TMCO5A: variants seen among roughly 807,000 people sequenced by gnomAD.
TMCO5A encodes transmembrane and coiled-coil domains 5A.
A neutral mutation model predicts 42.3 loss-of-function variants in TMCO5A; 34 were observed. The ratio of observed to expected loss-of-function variants is 0.80; its 90% CI spans 0.61 to 1.07. The LOEUF (loss-of-function observed/expected upper bound fraction) is 1.07, where lower values mean the gene tolerates loss of function less well. Ranked by LOEUF, TMCO5A falls within the 50% of genes least tolerant of loss-of-function variation. The probability of loss-of-function intolerance (pLI) is 0.00; values close to 1 mark genes in which losing one functional copy is unlikely to be tolerated. For missense variants in TMCO5A, 357 were observed against 327.9 expected (o/e 1.09, Z -0.69); for synonymous variants, 131 against 115.6 (o/e 1.13, Z -0.86).
chr15:37,955,964 C>T (rs139732823), downstream of TMCO5A, among the ~76,000 whole-genome samples: 412 of 152,082 alleles, frequency 2.7e-3, no homozygotes, highest in East Asian at 8.1e-3. Flanking sequence ...CACAACTACA[C>T]GGAAACTAAA....
intron 10 of TMCO5A, among the ~76,000 whole-genome samples, chr15:37,944,588 C>G (rs1889866953): frequency 3.3e-5 from 5 of 152,028 alleles, no homozygotes; most frequent in Admixed American, 3.3e-4. Context: ...CTGTAAGCCT[C>G]TTTTCCACAG....
At chr15:37,983,223 C>CTGGGCACTTAT in the TMCO5A span, among the ~76,000 whole-genome samples, 3 of 152,202 alleles carry the variant, frequency 2.0e-5, no homozygotes, top group South Asian at 2.1e-4. Flanking sequence ...TGGGCACTTA[C>CTGGGCACTTAT]GATGTGCTAG....
the TMCO5A span, among the ~76,000 whole-genome samples, chr15:37,987,619 C>T: frequency 6.6e-6 from 1 of 152,002 alleles, no homozygotes; most frequent in Non-Finnish European, 1.5e-5. Context: ...GGTGAAAATA[C>T]TAACCTTTCC....
downstream of TMCO5A, among the ~76,000 whole-genome samples, chr15:37,972,140 A>G (rs1362101681): frequency 6.6e-6 from 1 of 152,214 alleles, no homozygotes; most frequent in Non-Finnish European, 1.5e-5. Context: ...TTACAGTTCC[A>G]CGTGGCTGGG....
chr15:37,947,809 TAC>T (rs902684415), intron 11 of TMCO5A, 113 bp downstream of exon 11: 2,595 of 602,592 alleles, frequency 4.3e-3, no homozygotes, highest in South Asian at 4.7e-3. Flanking sequence ...TGTGCACACA[TAC>T]ACACACACAC....
At chr15:37,987,694 T>G in the TMCO5A span, among the ~76,000 whole-genome samples, 9 of 152,026 alleles carry the variant, frequency 5.9e-5, no homozygotes, top group Non-Finnish European at 1.3e-4. Context: ...GATTTATTTT[T>G]GGGCTCTCTA....
chr15:37,981,306 T>G, the TMCO5A span, among the ~76,000 whole-genome samples: 1 of 152,052 alleles, frequency 6.6e-6, no homozygotes, highest in Non-Finnish European at 1.5e-5. Context: ...TCAGTGGTAT[T>G]TTAAATGGTT....
the TMCO5A span, among the ~76,000 whole-genome samples, chr15:38,033,114 G>A: frequency 6.6e-6 from 1 of 151,976 alleles, no homozygotes; most frequent in Non-Finnish European, 1.5e-5. Flanking sequence ...ATTTTCAGTA[G>A]AGACAGGGTT....
At chr15:38,010,425 T>TCACACACA in the TMCO5A span, among the ~76,000 whole-genome samples, 6,430 of 117,222 alleles carry the variant, frequency 0.055, 243 homozygotes, top group East Asian at 0.085. Flanking sequence ...CAGAGGGAGA[T>TCACACACA]CACACACACA....
At chr15:37,941,835 A>G in intron 8 of TMCO5A, 105 bp downstream of exon 8, 1 of 944,790 alleles carries the variant, frequency 1.1e-6, no homozygotes, top group South Asian at 1.3e-5. Flanking sequence ...CAACAGTTCA[A>G]GGTGGCACTA....
intron 4 of TMCO5A, among the ~76,000 whole-genome samples, 159 bp downstream of exon 4, chr15:37,937,129 G>C (rs1421476491): frequency 3.3e-5 from 5 of 152,094 alleles, no homozygotes. Context: ...GATGTGTCTG[G>C]CTTCTTGGGC....
chr15:37,981,964 G>A, the TMCO5A span, among the ~76,000 whole-genome samples: 1 of 152,182 alleles, frequency 6.6e-6, no homozygotes, highest in East Asian at 1.9e-4. Context: ...GACCACAGTA[G>A]CCTGTTTCCC....
the TMCO5A span, among the ~76,000 whole-genome samples, chr15:37,998,576 G>A: frequency 6.6e-6 from 1 of 152,106 alleles, no homozygotes; most frequent in Non-Finnish European, 1.5e-5. Flanking sequence ...TTTTATGCCA[G>A]TATCATATAG....
chr15:37,972,223 C>T (rs1198761113), downstream of TMCO5A, among the ~76,000 whole-genome samples: 1 of 152,154 alleles, frequency 6.6e-6, no homozygotes, highest in Non-Finnish European at 1.5e-5. Context: ...AGAGCTTGCT[C>T]ATGGAAACTG....
the TMCO5A span, among the ~76,000 whole-genome samples, chr15:37,982,547 T>TCTATA: frequency 7.5e-4 from 103 of 138,088 alleles, no homozygotes; most frequent in Middle Eastern, 3.7e-3. Flanking sequence ...TTATATATTA[T>TCTATA]TATGATATAT....
At chr15:38,019,228 T>C in the TMCO5A span, among the ~76,000 whole-genome samples, 1 of 152,290 alleles carries the variant, frequency 6.6e-6, no homozygotes, top group South Asian at 2.1e-4. Flanking sequence ...TTGTGAAACT[T>C]AATGGCACTG....
chr15:38,037,808 T>G, the TMCO5A span, among the ~76,000 whole-genome samples: 4 of 152,112 alleles, frequency 2.6e-5, no homozygotes, highest in African/African-American at 9.7e-5. Context: ...AGGTTAGAAG[T>G]TCGAGACCAG....
chr15:37,983,365 G>GA, the TMCO5A span, among the ~76,000 whole-genome samples: 40 of 151,902 alleles, frequency 2.6e-4, no homozygotes, highest in African/African-American at 4.8e-4. Flanking sequence ...GTTCTGAGTT[G>GA]AAAAAAAACA....
chr15:37,962,098 G>A (rs1194901761), intron 11 of TMCO5A, among the ~76,000 whole-genome samples: 2 of 151,874 alleles, frequency 1.3e-5, no homozygotes, highest in Non-Finnish European at 2.9e-5. Flanking sequence ...AGTGAGAGTG[G>A]GCATCCTTCT....
Sources: allele counts gnomAD v4.1 joint callset (sites outside exome capture counted in the v4.1 genomes callset), GRCh38; gene constraint gnomAD v4.1.1; transcripts MANE v1.5; gene names NCBI Gene and HGNC (gene_info 2026-07-23, HGNC 2026-07-21).